Variants in RBFOX1 observed in about 807,000 individuals in gnomAD.
RBFOX1 encodes the protein RNA binding protein fox-1 homolog 1.
RBFOX1 carries 8 observed loss-of-function variants against 57.7 expected under a neutral mutation model. That is an observed-to-expected ratio of 0.14 (90% CI 0.08 to 0.25). RBFOX1 has a LOEUF of 0.25. RBFOX1 is among the 10% of genes least tolerant of loss of function. The probability of loss-of-function intolerance (pLI) is 1.00; values close to 1 mark genes in which losing one functional copy is unlikely to be tolerated. For synonymous variants in RBFOX1, 326 were observed against 222.4 expected (o/e 1.47, Z -4.15); for missense variants, 611 against 548.5 (o/e 1.11, Z -1.14).
intron 2 of RBFOX1, among the ~76,000 whole-genome samples, chr16:6,578,463 G>A (rs1600429037): frequency 1.3e-5 from 2 of 152,084 alleles, no homozygotes; most frequent in South Asian, 4.1e-4. Context: ...GCTTCTCTGG[G>A]TATTTGGGAG....
At chr16:6,083,700 C>G (rs1275697282) in intron 1 of RBFOX1, among the ~76,000 whole-genome samples, 2 of 152,038 alleles carry the variant, frequency 1.3e-5, no homozygotes, top group Non-Finnish European at 2.9e-5. Context: ...TGGACTCAAA[C>G]TCCCAGGCTC....
At chr16:7,437,478 G>A (rs1005828349) in intron 4 of RBFOX1, among the ~76,000 whole-genome samples, 21 of 152,110 alleles carry the variant, frequency 1.4e-4, no homozygotes, top group Admixed American at 1.2e-3. Context: ...AATTGTTGAC[G>A]TTCCATGCAG....
rs2084034214 is a variant in RBFOX1 at position 7,711,746 on chromosome 16, A to C, written c.*1001A>C. The C allele has an allele frequency of 2.0e-5, 3 of 152,656 alleles. No homozygotes were observed. Among genetic ancestry groups the C allele is most frequent in the Non-Finnish European group, 4.4e-5 (3 of 68,042 alleles). The allele number at this position is 152,656 out of a possible 1,614,324, so 9.5% of individuals were successfully genotyped here. A position where few individuals can be genotyped will look rare whatever the true frequency, so the allele number is the denominator to read the frequency against. On this transcript the variant is annotated 3_prime_UTR_variant, in exon 16 of 16. Transcript: ENST00000550418. ...AGCTTTAGTTTTAGCCTAGTAGAAC[A>C]ACTGTTAGAGACAGACGTATAATTT...
chr16:6,904,649 T>A (rs895828722), intron 3 of RBFOX1, among the ~76,000 whole-genome samples: 1 of 142,894 alleles, frequency 7.0e-6, no homozygotes, highest in African/African-American at 2.6e-5. Flanking sequence ...AAAGAAAAAT[T>A]CATACATCTT....
rs1208048034 is a variant in RBFOX1, at chr16:5,821,888, C to T, written c.319-45415C>T. 3.3e-5 allele frequency among the ~76,000 whole-genome samples: 5 copies of T among 152,274 alleles called. 1 individual carries two copies. Among genetic ancestry groups the T allele is most frequent in the South Asian group, 4.1e-4 (2 of 4,820 alleles). On this transcript the variant is annotated intron_variant, in intron 3 of 19. Coordinates refer to the RBFOX1 transcript ENST00000641259. ...AGTTTCCTGCAGCCCTTTTATAAGGCACGGAGCCTTCATGGCCTGATCACC... is the reference window on the plus strand; with the variant it reads ...AGTTTCCTGCAGCCCTTTTATAAGGTACGGAGCCTTCATGGCCTGATCACC...
At position 7,327,507 on chromosome 16, in the gene RBFOX1, A is replaced by G. The variant is rs560483205; in HGVS notation, c.28-190640A>G. Among the ~76,000 whole-genome samples, 18 of 152,348 alleles carry G rather than the reference A, an allele frequency of 1.2e-4. No homozygotes were observed. The East Asian group carries it at 1.4e-3, about 11-fold the overall frequency. The stretch of plus-strand genomic sequence containing the variant: ...CTGTATTTTGAAATAAACATTGTCA[A>G]TATCCAAAAGATAAGAAATGTGATG... On this transcript the variant is annotated intron_variant, in intron 4 of 15. Transcript: ENST00000550418.
At chr16:6,762,251 T>C (rs1489820057) in intron 3 of RBFOX1, among the ~76,000 whole-genome samples, 5 of 152,170 alleles carry the variant, frequency 3.3e-5, no homozygotes, top group African/African-American at 1.2e-4. Context: ...TAGAGAGTGA[T>C]AGGTTATATA....
At chr16:6,953,506 C>T (rs1418531599) in intron 3 of RBFOX1, among the ~76,000 whole-genome samples, 1 of 152,114 alleles carries the variant, frequency 6.6e-6, no homozygotes, top group Non-Finnish European at 1.5e-5. Context: ...CTGCTTCAGC[C>T]TCCCGAGTAG....
intron 3 of RBFOX1, among the ~76,000 whole-genome samples, chr16:6,968,912 C>G (rs2084898829): frequency 6.6e-6 from 1 of 151,726 alleles, no homozygotes; most frequent in Admixed American, 6.6e-5. Context: ...ACATAATAAG[C>G]TCATTAGAGG....
chr16:6,007,783 G>C (rs936891196), intron 4 of RBFOX1, among the ~76,000 whole-genome samples: 1 of 152,150 alleles, frequency 6.6e-6, no homozygotes, highest in South Asian at 2.1e-4. Flanking sequence ...TGGAGATATG[G>C]GTATGGGAAC....
chr16:6,935,080 C>T (rs143660790), intron 3 of RBFOX1, among the ~76,000 whole-genome samples: 1,756 of 151,928 alleles, frequency 0.012, 18 homozygotes, highest in Non-Finnish European at 0.019. Context: ...GACAGTGAGA[C>T]CCCCATCTCG....
chr16:7,565,541 C>A (rs1355772042), intron 5 of RBFOX1, among the ~76,000 whole-genome samples: 1 of 152,088 alleles, frequency 6.6e-6, no homozygotes, highest in African/African-American at 2.4e-5. Context: ...CACTCGGCGC[C>A]CAGCATTACT....
intron 1 of RBFOX1, among the ~76,000 whole-genome samples, chr16:6,026,214 A>T (rs998857864): frequency 6.6e-6 from 1 of 152,188 alleles, no homozygotes; most frequent in Non-Finnish European, 1.5e-5. Flanking sequence ...TCCATGGTCA[A>T]CTGCAGGTGG....
At chr16:7,647,624 G>A (rs2064013689) in intron 11 of RBFOX1, among the ~76,000 whole-genome samples, 1 of 151,774 alleles carries the variant, frequency 6.6e-6, no homozygotes, top group African/African-American at 2.4e-5. Flanking sequence ...CCCTAACATT[G>A]TTTTTTAATT....
chr16:5,397,450 G>T (rs905609229), intron 1 of RBFOX1, among the ~76,000 whole-genome samples: 1 of 152,234 alleles, frequency 6.6e-6, no homozygotes, highest in Non-Finnish European at 1.5e-5. Context: ...ATGCCTGCAT[G>T]TGAGGTCTGT....
chr16:5,595,043 G>T (rs1199508682), intron 2 of RBFOX1, among the ~76,000 whole-genome samples: 1 of 151,714 alleles, frequency 6.6e-6, no homozygotes, highest in Non-Finnish European at 1.5e-5. Context: ...CTGCTCAGGA[G>T]GCTGAGGCAG....
chr16:7,033,224 A>G (rs1477484522), intron 3 of RBFOX1, among the ~76,000 whole-genome samples: 1 of 152,150 alleles, frequency 6.6e-6, no homozygotes, highest in African/African-American at 2.4e-5. Context: ...CTCCTCCTTA[A>G]AAGTCCAAAA....
intron 2 of RBFOX1, among the ~76,000 whole-genome samples, chr16:5,598,691 C>T (rs28367246): frequency 0.11 from 16,882 of 152,154 alleles, 1,146 homozygotes; most frequent in East Asian, 0.31. Flanking sequence ...AGACTAGCCA[C>T]GGGGCTTTGT....
chr16:6,931,715 A>T (rs930795979), intron 3 of RBFOX1, among the ~76,000 whole-genome samples: 4 of 152,212 alleles, frequency 2.6e-5, no homozygotes, highest in African/African-American at 9.6e-5. Context: ...TGGTGGGTCT[A>T]ACCCTCCCTG....
Sources: allele counts gnomAD v4.1 joint callset (sites outside exome capture counted in the v4.1 genomes callset), GRCh38; gene constraint gnomAD v4.1.1; transcripts MANE v1.5; gene names NCBI Gene and HGNC (gene_info 2026-07-23, HGNC 2026-07-21).